Variants in CPPED1 observed in about 807,000 individuals in gnomAD.
CPPED1 encodes calcineurin like phosphoesterase domain containing 1.
Under a neutral mutation model 28.0 loss-of-function variants are expected in CPPED1, and 28 were observed. That is an observed-to-expected ratio of 1.00 (90% CI 0.74 to 1.37). The LOEUF is 1.37. Ranked by LOEUF, CPPED1 falls within the 40% of genes most tolerant of loss-of-function variation. The pLI is 0.00. For missense variants in CPPED1, 504 were observed against 416.5 expected (o/e 1.21, Z -1.83); for synonymous variants, 198 against 180.2 (o/e 1.10, Z -0.79).
At chr16:12,700,564 C>T (rs762608134) in intron 3 of CPPED1, among the ~76,000 whole-genome samples, 5 of 152,190 alleles carry the variant, frequency 3.3e-5, no homozygotes, top group Admixed American at 6.5e-5. Context: ...TTAATTATTG[C>T]ATTTTTCAGT....
At position 12,780,061 on chromosome 16, in the gene CPPED1, C is replaced by T. The variant is rs551044073; in HGVS notation, c.289+1124G>A. Reference sequence around the variant, plus strand: ...TGAATTTCCAACATCTCACTTTTTTCGGGGGAGACTGTCCTGTTCTTTAGG... The same window carrying T: ...TGAATTTCCAACATCTCACTTTTTTTGGGGGAGACTGTCCTGTTCTTTAGG... On this transcript the variant is annotated intron_variant, in intron 2 of 3. Coordinates refer to ENST00000381774, the MANE Select transcript of CPPED1 (RefSeq NM_018340.3). Among the ~76,000 whole-genome samples, 8 of 152,172 alleles carry T rather than the reference C, an allele frequency of 5.3e-5. No individual in the cohort carries two copies. In the East Asian group the frequency reaches 7.7e-4, roughly 15 times the overall value.
intron 2 of CPPED1, among the ~76,000 whole-genome samples, chr16:12,773,102 T>G (rs1291574763): frequency 1.3e-5 from 2 of 152,186 alleles, no homozygotes; most frequent in African/African-American, 2.4e-5. Flanking sequence ...GGTAAGGGGT[T>G]ATGTACAAGT....
At chr16:12,689,797 T>C (rs371136476) in intron 3 of CPPED1, among the ~76,000 whole-genome samples, 3 of 152,122 alleles carry the variant, frequency 2.0e-5, no homozygotes, top group East Asian at 1.9e-4. Flanking sequence ...CAGACTCTTA[T>C]GAAGATTGAT....
At position 12,682,566 on chromosome 16, in the gene CPPED1, G is replaced by A. The variant is rs757563693; in HGVS notation, c.716-17451C>T. ...TGCTGAGCTGTGTAGGTGTGGCATG[G>A]GCAGCAACATATCTGAACTCCTCAT... On this transcript the variant is annotated intron_variant, in intron 3 of 3. Transcript: ENST00000381774. This position sits in a 1 kb window ranked among gnomAD's most constrained non-coding sequence, Gnocchi z 6.1. Among the ~76,000 whole-genome samples, 2 of 152,060 alleles carry A rather than the reference G, an allele frequency of 1.3e-5. No homozygotes were observed. The highest frequency in any genetic ancestry group is 2.4e-5 in the African/African-American group (1 of 41,382).
chr16:12,802,447 C>G (rs966924097), intron 1 of CPPED1, among the ~76,000 whole-genome samples: 3 of 152,026 alleles, frequency 2.0e-5, no homozygotes, highest in Non-Finnish European at 2.9e-5. Flanking sequence ...ACTAAAAATA[C>G]AAAATTAGCC....
At chr16:12,751,408 T>C (rs764392774) in intron 2 of CPPED1, among the ~76,000 whole-genome samples, 7 of 152,222 alleles carry the variant, frequency 4.6e-5, no homozygotes, top group Non-Finnish European at 8.8e-5. Context: ...TGAAAATATA[T>C]TACATTTTTC....
chr16:12,713,524 C>T (rs2080090655), intron 2 of CPPED1, among the ~76,000 whole-genome samples: 1 of 152,078 alleles, frequency 6.6e-6, no homozygotes, highest in East Asian at 1.9e-4. Context: ...TGCCACAACA[C>T]CCAGCCAATT....
intron 3 of CPPED1, among the ~76,000 whole-genome samples, chr16:12,702,062 C>T (rs79311032): frequency 0.011 from 1,604 of 152,294 alleles, 18 homozygotes; most frequent in Middle Eastern, 0.02. Context: ...TAATCAACTG[C>T]CATTCTGGTT....
intron 2 of CPPED1, among the ~76,000 whole-genome samples, chr16:12,772,224 G>C (rs1567302722): frequency 6.6e-6 from 1 of 152,208 alleles, no homozygotes; most frequent in African/African-American, 2.4e-5. Flanking sequence ...CCTTGGTCTA[G>C]GCCTTGACAT....
intron 2 of CPPED1, among the ~76,000 whole-genome samples, chr16:12,766,563 T>C (rs2141229856): frequency 6.6e-6 from 1 of 152,046 alleles, no homozygotes; most frequent in East Asian, 1.9e-4. Flanking sequence ...CCACAACACA[T>C]GGGAATTATG....
Position 12,704,932 on chromosome 16 carries a change from G to T in CPPED1, c.407C>A (p.Ala136Asp). ...GNHDIGNTPT[A>D]ETVEEFCRTW... ...CCGGCAGAACTCCTCGACGGTCTCG[G>T]CCGTGGGGGTGTTGCCAATGTCATG... Residue 136 changes from alanine (A) to aspartate (D), a missense_variant, in exon 3 of 4, where the codon GCC becomes GAC. Physicochemically the swap from Ala to Asp is moderately radical, Grantham distance 126 (BLOSUM62 -2). Coordinates refer to ENST00000381774, the MANE Select transcript of CPPED1 (RefSeq NM_018340.3). 6.2e-7 allele frequency: 1 copy of T among 1,614,170 alleles called. No homozygotes were observed. The highest frequency in any genetic ancestry group is 8.5e-7 in the Non-Finnish European group (1 of 1,180,026).
intron 3 of CPPED1, among the ~76,000 whole-genome samples, chr16:12,671,664 A>G (rs2079853334): frequency 6.6e-6 from 1 of 152,222 alleles, no homozygotes; most frequent in Non-Finnish European, 1.5e-5. Context: ...CGTGCAGCAC[A>G]TGGACATTTT....
chr16:12,751,955 A>G (rs78296098), intron 2 of CPPED1, among the ~76,000 whole-genome samples: 1,766 of 152,320 alleles, frequency 0.012, 22 homozygotes, highest in Non-Finnish European at 0.017. Context: ...TGTGCTAGGA[A>G]GCTCTGAATA....
At chr16:12,745,040 T>G (rs1446282033) in intron 2 of CPPED1, among the ~76,000 whole-genome samples, 1 of 151,716 alleles carries the variant, frequency 6.6e-6, no homozygotes, top group Non-Finnish European at 1.5e-5. Context: ...GAAAGATCAA[T>G]GAACTTAAAG....
intron 2 of CPPED1, among the ~76,000 whole-genome samples, chr16:12,766,385 T>A (rs1596477341): frequency 6.6e-6 from 1 of 151,894 alleles, no homozygotes; most frequent in South Asian, 2.1e-4. Flanking sequence ...AGGGGTTTAA[T>A]TGGACTTACA....
chr16:12,707,269 A>G (rs1429522793), intron 2 of CPPED1, among the ~76,000 whole-genome samples: 2 of 152,088 alleles, frequency 1.3e-5, no homozygotes, highest in Non-Finnish European at 2.9e-5. Flanking sequence ...TTCTGTTCAC[A>G]CTGACTTGGG....
At chr16:12,729,370 T>C (rs895206526) in intron 2 of CPPED1, among the ~76,000 whole-genome samples, 2 of 152,192 alleles carry the variant, frequency 1.3e-5, no homozygotes, top group Non-Finnish European at 1.5e-5. Flanking sequence ...TTGAAGAACG[T>C]GATCAGCTTA....
intron 2 of CPPED1, among the ~76,000 whole-genome samples, chr16:12,770,557 T>C (rs113317518): frequency 1.3e-5 from 2 of 152,244 alleles, no homozygotes; most frequent in African/African-American, 4.8e-5. Flanking sequence ...GCGTGGTGGC[T>C]CACACCTGTA....
chr16:12,674,354 A>T (rs2079867430), intron 3 of CPPED1, among the ~76,000 whole-genome samples: 1 of 152,170 alleles, frequency 6.6e-6, no homozygotes, highest in South Asian at 2.1e-4. Flanking sequence ...GTCTGAAACG[A>T]GGAATGAGAT....
Sources: gnomAD v4.1 joint callset for allele counts (sites outside exome capture counted in the v4.1 genomes callset) on GRCh38, gnomAD v4.1.1 for gene constraint, Gnocchi (gnomAD v3.1) non-coding constraint, MANE v1.5 for transcripts, NCBI Gene and HGNC (gene_info 2026-07-23, HGNC 2026-07-21) for gene names.